AVEN: variants seen among roughly 807,000 people sequenced by gnomAD.
AVEN encodes apoptosis and caspase activation inhibitor.
In AVEN, 41 loss-of-function variants were observed where a neutral mutation model predicts 38.1. That is an observed-to-expected ratio of 1.08 (90% CI 0.84 to 1.40). The LOEUF is 1.40. Among genes scored for constraint, AVEN ranks in the 40% most tolerant of loss-of-function variants. AVEN has a pLI of 0.00. For missense variants in AVEN, 605 were observed against 438.8 expected (o/e 1.38, Z -3.38); for synonymous variants, 206 against 171.8 (o/e 1.20, Z -1.56).
At chr15:33,984,694 A>G (rs6495425) in intron 2 of AVEN, among the ~76,000 whole-genome samples, 67,644 of 151,574 alleles carry the variant, frequency 0.45, 16,078 homozygotes, top group African/African-American at 0.61. Context: ...GAGGCACTGC[A>G]CCCAGCCTAT....
intron 2 of AVEN, among the ~76,000 whole-genome samples, chr15:33,899,208 A>G (rs1327964706): frequency 6.6e-6 from 1 of 151,432 alleles, no homozygotes; most frequent in Non-Finnish European, 1.5e-5. Context: ...AGGCTCATAC[A>G]CTGTTGACAG....
At chr15:33,960,709 T>G (rs544128706) in intron 2 of AVEN, among the ~76,000 whole-genome samples, 118 of 152,322 alleles carry the variant, frequency 7.7e-4, no homozygotes, top group African/African-American at 2.7e-3. Context: ...TCCTCCTTCA[T>G]GTGAGCCCCA....
At chr15:33,932,506 G>T (rs1202501417) in intron 2 of AVEN, among the ~76,000 whole-genome samples, 1 of 152,172 alleles carries the variant, frequency 6.6e-6, no homozygotes, top group African/African-American at 2.4e-5. Context: ...ATAAGAAATG[G>T]TCTCCTTAAG....
intron 2 of AVEN, among the ~76,000 whole-genome samples, chr15:33,994,264 G>C (rs1279438608): frequency 3.3e-5 from 5 of 152,196 alleles, no homozygotes; most frequent in African/African-American, 1.2e-4. Context: ...ACCCTATTGT[G>C]AACTGCACAT....
chr15:34,073,989 C>CTTTTTTTTTTTTTTTTTTTTTTTTTTTT (rs5811818), intron 1 of AVEN, among the ~76,000 whole-genome samples: 1 of 31,474 alleles, frequency 3.2e-5, no homozygotes, highest in Admixed American at 5.0e-4. Flanking sequence ...TCTTCTTCTT[C>CTTTTTTTTTTTTTTTTTTTTTTTTTTTT]TTTTTTTTTT....
chr15:33,961,162 G>A (rs1033187861), intron 2 of AVEN, among the ~76,000 whole-genome samples: 1 of 151,766 alleles, frequency 6.6e-6, no homozygotes, highest in Admixed American at 6.6e-5. Flanking sequence ...CATCATGCCT[G>A]GACAATTTTT....
chr15:33,991,861 A>T (rs1896739293), intron 2 of AVEN: 1 of 152,954 alleles, frequency 6.5e-6, no homozygotes, highest in Admixed American at 6.5e-5. Flanking sequence ...AATGAGAATC[A>T]AAAGGTCATA....
chr15:33,867,950 T>C, intron 4 of AVEN, 95 bp from the exon 5 acceptor site: 1 of 1,452,572 alleles, frequency 6.9e-7, no homozygotes, highest in Non-Finnish European at 9.1e-7. Flanking sequence ...CATCAAACTT[T>C]GTGACAGAGG....
At chr15:33,984,825 CA>C (rs1250219544) in intron 2 of AVEN, among the ~76,000 whole-genome samples, 2 of 152,092 alleles carry the variant, frequency 1.3e-5, no homozygotes, top group Non-Finnish European at 2.9e-5. Context: ...TGCAGTAAAT[CA>C]CACCCAATAA....
At chr15:34,014,387 AAAAC>A (rs781313902) in intron 1 of AVEN, among the ~76,000 whole-genome samples, 2,401 of 120,684 alleles carry the variant, frequency 0.02, 243 homozygotes, top group East Asian at 0.051. Flanking sequence ...AAAAAAAACA[AAAAC>A]AAAAACCACG....
the AVEN span, chr15:33,851,920 T>A: frequency 6.6e-6 from 1 of 152,208 alleles, no homozygotes; most frequent in East Asian, 1.9e-4. Context: ...AGATAAAATA[T>A]TAGCAGTTTA....
downstream of AVEN, chr15:33,856,432 C>CT (rs1164524121): frequency 6.6e-6 from 1 of 152,296 alleles, no homozygotes; most frequent in Non-Finnish European, 1.5e-5. Context: ...GTACTCCTCA[C>CT]TTAAGCCAGT....
At chr15:33,966,873 A>G (rs1302472234) in intron 2 of AVEN, among the ~76,000 whole-genome samples, 1 of 152,160 alleles carries the variant, frequency 6.6e-6, no homozygotes, top group Non-Finnish European at 1.5e-5. Context: ...ACATTAATGA[A>G]AAACATATAT....
chr15:34,048,275 G>A (rs1235725957), intron 5 of AVEN, among the ~76,000 whole-genome samples: 2 of 152,232 alleles, frequency 1.3e-5, no homozygotes, highest in Non-Finnish European at 2.9e-5. Context: ...TATGGATAGA[G>A]CTCTGATCTT....
At chr15:34,044,996 C>T (rs1230771827) in intron 5 of AVEN, among the ~76,000 whole-genome samples, 3 of 152,034 alleles carry the variant, frequency 2.0e-5, no homozygotes, top group African/African-American at 4.8e-5. Context: ...TGCAGTGAGC[C>T]GAGATCGTGC....
chr15:33,982,798 TTCTC>T (rs58340239), intron 2 of AVEN, among the ~76,000 whole-genome samples: 2 of 150,556 alleles, frequency 1.3e-5, no homozygotes, highest in African/African-American at 4.9e-5. Context: ...ATCAACCACA[TTCTC>T]TCTCTCTCTC....
At chr15:33,986,251 C>A (rs1013092813) in intron 2 of AVEN, among the ~76,000 whole-genome samples, 3 of 152,018 alleles carry the variant, frequency 2.0e-5, no homozygotes, top group African/African-American at 7.2e-5. Context: ...GGACTACAGG[C>A]ACCTGCCACC....
intron 2 of AVEN, among the ~76,000 whole-genome samples, chr15:34,000,275 A>C (rs910792123): frequency 4.6e-5 from 7 of 152,202 alleles, no homozygotes; most frequent in African/African-American, 1.7e-4. Context: ...CTAGAAAGTC[A>C]ACTCTGTGAG....
chr15:34,055,786 GCAAGACTCTGTCACAAAAAATAAATA>G (rs1410678530), intron 5 of AVEN, among the ~76,000 whole-genome samples: 1 of 152,124 alleles, frequency 6.6e-6, no homozygotes, highest in African/African-American at 2.4e-5. Flanking sequence ...GGGCGACGGA[GCAAGACTCTGTCACAAAAAATAAATA>G]AATAAATAAA....
Sources: allele counts gnomAD v4.1 joint callset (sites outside exome capture counted in the v4.1 genomes callset), GRCh38; gene constraint gnomAD v4.1.1; transcripts MANE v1.5; gene names NCBI Gene and HGNC (gene_info 2026-07-23, HGNC 2026-07-21).